The following CRYBG2 variants were observed in gnomAD, a reference collection of about 807,000 sequenced individuals.
The protein encoded by CRYBG2 is crystallin beta-gamma domain containing 2.
Under a neutral mutation model 153.4 loss-of-function variants are expected in CRYBG2, and 106 were observed. The observed-to-expected ratio is 0.69, with a 90% CI of 0.59 to 0.81. CRYBG2 has a LOEUF of 0.81. Among genes scored for constraint, CRYBG2 ranks in the 30% least tolerant of loss-of-function variants. The pLI, the probability that CRYBG2 is intolerant of heterozygous loss-of-function variation, is 0.00. For missense variants in CRYBG2, 1,996 were observed against 2,112.0 expected, an observed-to-expected ratio of 0.95 and a Z score of 1.08; for synonymous variants, 851 against 877.8, an observed-to-expected ratio of 0.97 and a Z score of 0.54.
At chr1:26,339,484 A>G in intron 5 of CRYBG2, 55 bp from the exon 6 acceptor site, 1 of 1,597,746 alleles carries the variant, frequency 6.3e-7, no homozygotes, top group Non-Finnish European at 8.5e-7. Flanking sequence ...GTGGTGGCTC[A>G]CGCCTGTAAT....
chr1:26,330,723 G>A (rs1056035795), intron 15 of CRYBG2, among the ~76,000 whole-genome samples: 6 of 151,896 alleles, frequency 4.0e-5, no homozygotes, highest in Non-Finnish European at 8.8e-5. Flanking sequence ...ATTTTTAGTA[G>A]AGATAGGGTT....
At chr1:26,350,432 C>T (rs2074274253) in intron 1 of CRYBG2, among the ~76,000 whole-genome samples, 1 of 152,116 alleles carries the variant, frequency 6.6e-6, no homozygotes, top group Non-Finnish European at 1.5e-5. Context: ...CCCATTGAAG[C>T]CTCAGAAGAA....
chr1:26,351,729 T>C (rs1407532684), intron 1 of CRYBG2, among the ~76,000 whole-genome samples: 9 of 152,164 alleles, frequency 5.9e-5, no homozygotes, highest in Admixed American at 5.9e-4. Flanking sequence ...CATGTGGTCA[T>C]TGGCTTCTGC....
intron 5 of CRYBG2, among the ~76,000 whole-genome samples, chr1:26,341,318 G>A (rs1351948228): frequency 6.6e-6 from 1 of 151,774 alleles, no homozygotes. Flanking sequence ...TCCAGCCTGG[G>A]CAACAGAGCG....
At position 26,344,576 on chromosome 1, in the gene CRYBG2, G is replaced by A. The variant is rs2074180110; in HGVS notation, c.2082C>T (p.Thr694=). ...DSEGSPISSL[T]QKEVVQDPDA... The stretch of plus-strand genomic sequence containing the variant: ...CAGGGTCCTGCACAACCTCTTTCTG[G>A]GTGAGAGATGAGATGGGGCTCCCTT... The change falls in exon 2 of 20, where the codon ACC becomes ACT. Residue 694 remains threonine (T), a synonymous_variant. Transcript: ENST00000308182. 6.5e-7 allele frequency: 1 copy of A among 1,538,982 alleles called. No individual in the cohort carries two copies. Among genetic ancestry groups the A allele is most frequent in the African/African-American group, 1.4e-5 (1 of 73,038 alleles).
chr1:26,343,054 G>T lies in CRYBG2; in HGVS notation c.3067C>A (p.Arg1023=), dbSNP rs540596133. ...WAPVASIRVV[R]GCWVLYEEPE... The stretch of plus-strand genomic sequence containing the variant: ...TGGGCACTCCCCACTCACCAGCCTC[G>T]AACTACCCTTATGGAGGCTACGGGG... Residue 1023 remains arginine, a synonymous_variant, in exon 4 of 20, where the codon CGA becomes AGA. Coordinates refer to ENST00000308182, the MANE Select transcript of CRYBG2 (RefSeq NM_001039775.4). This position sits in a 1 kb window ranked among gnomAD's most constrained non-coding sequence, Gnocchi z 4.1. 5.2e-6 allele frequency: 8 copies of T among 1,548,708 alleles called. No individual in the cohort carries two copies. The highest frequency in any genetic ancestry group is 1.2e-5 in the South Asian group (1 of 84,176).
chr1:26,339,382 C>A lies in CRYBG2; in HGVS notation c.3252G>T (p.Lys1084Asn). The A allele has an allele frequency of 6.2e-7, 1 of 1,614,218 alleles. No individual in the cohort carries two copies. Among genetic ancestry groups the A allele is most frequent in the South Asian group, 1.1e-5 (1 of 91,084 alleles). The change falls in exon 6 of 20, where the codon AAG (lysine) becomes AAT (asparagine). Residue 1084 changes from lysine to asparagine, a missense_variant. Transcript: ENST00000308182. The part of the protein sequence containing the change: ...EISLFSEEGL[K>N]GEQVKLTEAL... ...CCTCTGTTAGCTTCACTTGCTCCCCCTTGAGGCCCTCCTCAGAGAAGAGGC... is the reference window on the plus strand; with the variant it reads ...CCTCTGTTAGCTTCACTTGCTCCCCATTGAGGCCCTCCTCAGAGAAGAGGC...
In CRYBG2 at chr1:26,346,046, G is replaced by T. The variant is rs374469017; in HGVS notation, c.612C>A (p.Gly204=). 1.9e-6 allele frequency: 3 copies of T among 1,589,920 alleles called. No homozygotes were observed. In the East Asian group the frequency reaches 6.7e-5, roughly 36 times the overall value. ...SSVTVRPVSS[G]EALPRGRQVS... ...CCTGACGGCCCCGTGGCAGGGCCTCGCCTGAGGACACTGGCCTCACAGTCA... is the reference window on the plus strand; with the variant it reads ...CCTGACGGCCCCGTGGCAGGGCCTCTCCTGAGGACACTGGCCTCACAGTCA... Residue 204 remains glycine, a synonymous_variant, in exon 2 of 20, where the codon GGC becomes GGA. Transcript: ENST00000308182. This position sits in a 1 kb window ranked among gnomAD's most constrained non-coding sequence, Gnocchi z 4.9.
intron 17 of CRYBG2, among the ~76,000 whole-genome samples, chr1:26,326,516 C>T (rs778630634): frequency 2.8e-5 from 4 of 143,302 alleles, no homozygotes; most frequent in Admixed American, 1.4e-4. Flanking sequence ...CCTGCCTGGG[C>T]GACAGAGCAA....
rs1054215962 is a variant in CRYBG2 at position 26,336,124 on chromosome 1, T to G, written c.4155A>C (p.Arg1385=). The G allele has an allele frequency of 1.3e-6, 2 of 1,513,744 alleles. No individual in the cohort carries two copies. The highest frequency in any genetic ancestry group is 4.1e-5 in the Admixed American group (2 of 48,712). The allele number at this position is 1,513,744 out of a possible 1,614,324, so 93.8% of individuals were successfully genotyped here. ...DDQAALPASF[R]PQSCRVHGGS... ...CGCCGTGGACCCGGCAGGACTGAGG[T>G]CGGAAGGAGGCGGGCAGAGCGGCCT... The change falls in exon 14 of 20, where the codon CGA becomes CGC. Residue 1385 remains arginine (R), a synonymous_variant. Transcript: ENST00000308182. This position sits in a 1 kb window ranked among gnomAD's most constrained non-coding sequence, Gnocchi z 4.9.
Position 26,346,498 on chromosome 1 carries a change from TCTC to T in CRYBG2, c.157_159del (p.Glu53del), listed in dbSNP as rs771708024. 5 of 1,612,736 alleles carry T rather than the reference TCTC, an allele frequency of 3.1e-6. No homozygotes were observed. The highest frequency in any genetic ancestry group is 2.2e-5 in the South Asian group (2 of 91,054). On this transcript the variant is annotated inframe_deletion, in exon 2 of 20. Transcript: ENST00000308182. The surrounding 1 kb of genome is among the most constrained non-coding windows in gnomAD (Gnocchi z 4.9). ...TCCTCTCGACGGCTGAACTCAAACA[TCTC>T]CTTCTGCGGGGCTTCCATCTGGGCC...
At chr1:26,337,157 C>T in intron 10 of CRYBG2, 96 bp downstream of exon 10, 2 of 1,573,028 alleles carry the variant, frequency 1.3e-6, no homozygotes, top group Non-Finnish European at 1.7e-6. Flanking sequence ...AGGGAGAACA[C>T]GGAGAGGGGG....
chr1:26,321,986 C>T lies in CRYBG2; in HGVS notation c.4968G>A (p.Trp1656Ter), dbSNP rs1557699627. 6.3e-7 allele frequency: 1 copy of T among 1,596,614 alleles called. No individual in the cohort carries two copies. Among genetic ancestry groups the T allele is most frequent in the Non-Finnish European group, 8.6e-7 (1 of 1,167,226 alleles). ...EPDEDRASQI[W>*]TIHVL ...AAAAGTTTCAAAGCACGTGGATAGT[C>T]CAGATCTGGGATGCCCTGTCCTCAT... The change falls in exon 20 of 20, where the codon TGG (tryptophan) becomes TGA (stop). Residue 1656 changes from tryptophan to a stop codon, truncating the protein, a stop_gained. Coordinates refer to ENST00000308182, the MANE Select transcript of CRYBG2 (RefSeq NM_001039775.4). LOFTEE classifies it high-confidence loss of function.
chr1:26,345,563 G>T lies in CRYBG2; in HGVS notation c.1095C>A (p.Gly365=). 1.9e-6 allele frequency: 3 copies of T among 1,605,616 alleles called. No individual in the cohort carries two copies. Among genetic ancestry groups the T allele is most frequent in the Non-Finnish European group, 2.5e-6 (3 of 1,178,232 alleles). The change falls in exon 2 of 20, where the codon GGC becomes GGA. Residue 365 remains glycine, a synonymous_variant. Transcript: ENST00000308182. ...PRLETHVPSP[G]LTHPAKQPVV... ...CAGGCTGCTTTGCAGGGTGAGTTAG[G>T]CCAGGAGAGGGGACATGGGTCTCGA...
Position 26,325,204 on chromosome 1 carries a change from T to A in CRYBG2, c.4579-894A>T, listed in dbSNP as rs1180099438. 6.6e-6 allele frequency: 1 copy of A among 152,116 alleles called. No individual in the cohort carries two copies. Among genetic ancestry groups the A allele is most frequent in the East Asian group, 1.9e-4 (1 of 5,188 alleles). The allele number at this position is 152,116 out of a possible 1,614,324, so 9.4% of individuals were successfully genotyped here. A position where few individuals can be genotyped will look rare whatever the true frequency, so the allele number is the denominator to read the frequency against. ...CTTGAATACAAGAACTACACAAATA[T>A]CCTTATACAAAGATACACACACTGT... On this transcript the variant is annotated intron_variant, in intron 17 of 19. Transcript: ENST00000308182. This position sits in a 1 kb window ranked among gnomAD's most constrained non-coding sequence, Gnocchi z 4.1.
intron 15 of CRYBG2, among the ~76,000 whole-genome samples, chr1:26,329,352 CT>C (rs997653666): frequency 6.6e-6 from 1 of 151,432 alleles, no homozygotes; most frequent in African/African-American, 2.4e-5. Flanking sequence ...AATTTTTGTA[CT>C]TTTAGTAGAG....
chr1:26,323,729 C>A (rs150108123), intron 18 of CRYBG2, among the ~76,000 whole-genome samples: 1 of 152,302 alleles, frequency 6.6e-6, no homozygotes, highest in Non-Finnish European at 1.5e-5. Flanking sequence ...AGCCTCCCAC[C>A]TCAGCCTCTT....
chr1:26,333,153 C>T (rs370877573), intron 14 of CRYBG2, among the ~76,000 whole-genome samples: 61 of 149,748 alleles, frequency 4.1e-4, no homozygotes, highest in African/African-American at 1.3e-3. Context: ...CTCCCAAAAT[C>T]ATATGCTAAA....
chr1:26,347,698 G>A (rs1243207313), intron 1 of CRYBG2, among the ~76,000 whole-genome samples: 3 of 151,946 alleles, frequency 2.0e-5, no homozygotes, highest in African/African-American at 7.3e-5. Context: ...CGCCGTGTTA[G>A]CCAGGATGGT....
Sources: allele counts gnomAD v4.1 joint callset (sites outside exome capture counted in the v4.1 genomes callset), GRCh38; gene constraint gnomAD v4.1.1; non-coding constraint Gnocchi (gnomAD v3.1); transcripts MANE v1.5; gene names NCBI Gene and HGNC (gene_info 2026-07-23, HGNC 2026-07-21).